Variants in WDR19 observed in about 807,000 individuals in gnomAD.
WDR19 encodes the protein WD repeat domain 19.
WDR19 carries 121 observed loss-of-function variants against 180.0 expected under a neutral mutation model. The observed-to-expected ratio is 0.67, with a 90% CI of 0.58 to 0.78. The LOEUF is 0.78. WDR19 is among the 30% of genes least tolerant of loss of function. The pLI, the probability that WDR19 is intolerant of heterozygous loss-of-function variation, is 0.00. For missense variants in WDR19, 1,450 were observed against 1,640.7 expected (o/e 0.88, Z 2.01); for synonymous variants, 497 against 540.7 (o/e 0.92, Z 1.12).
chr4:39,185,567 T>C, intron 1 of WDR19, 159 bp from the exon 2 acceptor site: 1 of 601,138 alleles, frequency 1.7e-6, no homozygotes, highest in Non-Finnish European at 2.8e-6. Context: ...TGATTTTGTT[T>C]TATTTCTTTT....
At chr4:39,258,840 A>G (rs1184969848) in intron 28 of WDR19, among the ~76,000 whole-genome samples, 1 of 152,006 alleles carries the variant, frequency 6.6e-6, no homozygotes, top group Non-Finnish European at 1.5e-5. Context: ...AGCTGGGTGC[A>G]GTGGATCACT....
At chr4:39,186,669 C>T (rs1039472903) in intron 3 of WDR19, 65 bp downstream of exon 3, 5 of 1,118,896 alleles carry the variant, frequency 4.5e-6, no homozygotes, top group African/African-American at 3.2e-5. Context: ...TAAAAAAATA[C>T]TGCCTTAAAA....
At chr4:39,268,735 C>T (rs567131562) in intron 30 of WDR19, among the ~76,000 whole-genome samples, 1 of 152,174 alleles carries the variant, frequency 6.6e-6, no homozygotes, top group South Asian at 2.1e-4. Flanking sequence ...CTGTCAGATG[C>T]GTGCTAGGAG....
At chr4:39,285,398 A>ATTCT (rs1737094565) in intron 36 of WDR19, 89 bp from the exon 37 acceptor site, 2 of 152,210 alleles carry the variant, frequency 1.3e-5, no homozygotes, top group African/African-American at 4.8e-5. Context: ...GCAAAAAAAA[A>ATTCT]TTCTTTTTAG....
At chr4:39,250,558 A>G (rs1427363059) in intron 24 of WDR19, among the ~76,000 whole-genome samples, 3 of 152,198 alleles carry the variant, frequency 2.0e-5, no homozygotes, top group Non-Finnish European at 2.9e-5. Flanking sequence ...GAAAAGAGGA[A>G]GTCAAATTGT....
rs183513717 is a variant in WDR19, at chr4:39,273,024, C to T, written c.3528C>T (p.Leu1176=). 3.7e-6 allele frequency: 6 copies of T among 1,605,768 alleles called. No homozygotes were observed. Among genetic ancestry groups the T allele is most frequent in the Admixed American group, 3.4e-5 (2 of 58,774 alleles). Residue 1176 remains leucine, a synonymous_variant, in exon 32 of 37, where the codon CTC becomes CTT. Transcript: ENST00000399820. ...NGDHMKGARM[L]IRVANNISKF... ...ATCACATGAAAGGGGCTCGCATGCT[C>T]ATTCGGGTGGCCAACAACATCAGCA... is the stretch of plus-strand genomic sequence containing the variant.
In WDR19 at chr4:39,244,544, T is replaced by C. The variant is rs1211820571; in HGVS notation, c.2637T>C (p.Ser879=). Residue 879 remains serine (S), a synonymous_variant, in exon 23 of 37, where the codon TCT becomes TCC. Transcript: ENST00000399820. The part of the protein sequence containing the change: ...YDKAASVYIR[S]KNWAKVGDLL... ...AAGCAGCATCTGTTTACATCCGCTC[T>C]AAGAATTGGTAAGAGCTGCCTGCGG... The C allele has an allele frequency of 6.2e-7, 1 of 1,614,038 alleles. No individual in the cohort carries two copies. The highest frequency in any genetic ancestry group is 8.5e-7 in the Non-Finnish European group (1 of 1,179,864).
intron 26 of WDR19, 70 bp downstream of exon 26, chr4:39,254,100 A>G: frequency 6.6e-7 from 1 of 1,503,938 alleles, no homozygotes; most frequent in South Asian, 1.2e-5. Context: ...CTTATGATCT[A>G]ATTATCAGAT....
At chr4:39,280,836 T>A (rs1208796662) in intron 36 of WDR19, among the ~76,000 whole-genome samples, 1 of 152,170 alleles carries the variant, frequency 6.6e-6, no homozygotes, top group Non-Finnish European at 1.5e-5. Flanking sequence ...TACACCTGTT[T>A]CCTTCTAGGA....
At chr4:39,218,248 A>G in intron 14 of WDR19, 143 bp downstream of exon 14, 1 of 1,054,910 alleles carries the variant, frequency 9.5e-7, no homozygotes, top group Non-Finnish European at 1.4e-6. Flanking sequence ...AATTATATAC[A>G]TTCATGTGTC....
intron 13 of WDR19, 68 bp from the exon 14 acceptor site, chr4:39,217,915 C>T: frequency 6.4e-7 from 1 of 1,569,868 alleles, no homozygotes. Context: ...GAAAAAGACA[C>T]CCCTAGATGT....
At chr4:39,234,358 T>C (rs943643719) in intron 19 of WDR19, among the ~76,000 whole-genome samples, 1 of 152,232 alleles carries the variant, frequency 6.6e-6, no homozygotes, top group African/African-American at 2.4e-5. Flanking sequence ...AACACACCAA[T>C]TCCTATAGCA....
rs1728886258 is a variant in WDR19 at position 39,214,748 on chromosome 4, A to G, written c.961+77A>G. 5 of 870,038 alleles carry G rather than the reference A, an allele frequency of 5.7e-6. No homozygotes were observed. The Admixed American group carries it at 1.2e-4, about 20-fold the overall frequency. The allele number at this position is 870,038 out of a possible 1,614,324, so 53.9% of individuals were successfully genotyped here. ...GTAAGGTTGTGTTTGTTATCGTGTG[A>G]TTTGCATTCGTTGTAGGAGGAATAA... is the stretch of plus-strand genomic sequence containing the variant. On this transcript the variant is annotated intron_variant, in intron 10 of 36. Coordinates refer to ENST00000399820, the MANE Select transcript of WDR19 (RefSeq NM_025132.4).
chr4:39,238,631 A>G (rs1444929893), intron 20 of WDR19, among the ~76,000 whole-genome samples: 1 of 152,166 alleles, frequency 6.6e-6, no homozygotes, highest in Non-Finnish European at 1.5e-5. Flanking sequence ...ATTGCTGACT[A>G]TGGAGTCCTA....
At chr4:39,241,880 A>G (rs1731993099) in intron 21 of WDR19, among the ~76,000 whole-genome samples, 1 of 151,586 alleles carries the variant, frequency 6.6e-6, no homozygotes, top group Non-Finnish European at 1.5e-5. Flanking sequence ...ACTACTGTTA[A>G]TGATTTTATA....
intron 21 of WDR19, among the ~76,000 whole-genome samples, chr4:39,241,221 C>G (rs534923429): frequency 6.6e-6 from 1 of 152,074 alleles, no homozygotes; most frequent in African/African-American, 2.4e-5. Flanking sequence ...ATTTTTATTA[C>G]AAAAGTAATG....
intron 5 of WDR19, among the ~76,000 whole-genome samples, chr4:39,199,193 C>T (rs767822879): frequency 9.2e-5 from 14 of 152,032 alleles, no homozygotes; most frequent in Non-Finnish European, 1.6e-4. Context: ...ATTATCTTTG[C>T]AGGTTTGGTT....
At chr4:39,255,645 G>GT (rs1476163887) in intron 26 of WDR19, among the ~76,000 whole-genome samples, 2 of 151,188 alleles carry the variant, frequency 1.3e-5, no homozygotes, top group Non-Finnish European at 2.9e-5. Flanking sequence ...CACATTTAGA[G>GT]TTAAAAAAAA....
chr4:39,281,515 G>C (rs1736542223), intron 36 of WDR19, among the ~76,000 whole-genome samples: 1 of 151,960 alleles, frequency 6.6e-6, no homozygotes, highest in Non-Finnish European at 1.5e-5. Context: ...AGGTACTGTG[G>C]ATCCTCCAAT....
Sources: gnomAD v4.1 joint callset for allele counts (sites outside exome capture counted in the v4.1 genomes callset) on GRCh38, gnomAD v4.1.1 for gene constraint, MANE v1.5 for transcripts, NCBI Gene and HGNC (gene_info 2026-07-23, HGNC 2026-07-21) for gene names.